The following CLCA4 variants were observed in gnomAD, a reference collection of about 807,000 sequenced individuals.
CLCA4 encodes the protein calcium-activated chloride channel regulator 4.
A neutral mutation model predicts 78.9 loss-of-function variants in CLCA4; 69 were observed. The observed-to-expected ratio is 0.87, with a 90% CI of 0.72 to 1.07. The LOEUF (loss-of-function observed/expected upper bound fraction) is 1.07, where lower values mean the gene tolerates loss of function less well. CLCA4 is among the 50% of genes least tolerant of loss of function. The probability of loss-of-function intolerance (pLI) is 0.00; values close to 1 mark genes in which losing one functional copy is unlikely to be tolerated. For synonymous variants in CLCA4, 362 were observed against 375.8 expected (o/e 0.96, Z 0.42); for missense variants, 1,133 against 1,095.8 (o/e 1.03, Z -0.48).
At chr1:86,571,621 G>A (rs1009097027) in intron 8 of CLCA4, among the ~76,000 whole-genome samples, 2 of 151,974 alleles carry the variant, frequency 1.3e-5, no homozygotes, top group African/African-American at 2.4e-5. Flanking sequence ...GAAGAAAAAG[G>A]GGGTAAGAAA....
In CLCA4 at chr1:86,580,241, A is replaced by G. The variant is rs80137678; in HGVS notation, c.2656A>G (p.Thr886Ala). 1 of 1,529,990 alleles carries G rather than the reference A, an allele frequency of 6.5e-7. No individual in the cohort carries two copies. The highest frequency in any genetic ancestry group is 1.5e-5 in the African/African-American group (1 of 67,458). 94.8% of individuals were successfully genotyped at this position (1,529,990 alleles called of 1,614,324 possible). A position where few individuals can be genotyped will look rare whatever the true frequency, so the allele number is the denominator to read the frequency against. The change falls in exon 14 of 14, where the codon ACT becomes GCT. Residue 886 changes from threonine (T) to alanine (A), a missense_variant. Thr to Ala is a moderately conservative substitution (Grantham distance 58). Transcript: ENST00000370563. ...TACACCTACTCCTACTCCTACTCCTACTCCTGATAAAAGTCATAATTCTGG... is the reference window on the plus strand; with the variant it reads ...TACACCTACTCCTACTCCTACTCCTGCTCCTGATAAAAGTCATAATTCTGG... ...DPTPTPTPTP[T>A]PDKSHNSGVN... is the part of the protein sequence containing the mutation.
chr1:86,556,670 G>A (rs2101795388), intron 1 of CLCA4, among the ~76,000 whole-genome samples: 1 of 152,238 alleles, frequency 6.6e-6, no homozygotes, highest in Non-Finnish European at 1.5e-5. Flanking sequence ...TCTCTGTCAG[G>A]TTTTCATATC....
chr1:86,552,311 G>A (rs535545580), intron 1 of CLCA4, among the ~76,000 whole-genome samples: 11 of 152,260 alleles, frequency 7.2e-5, no homozygotes, highest in African/African-American at 2.6e-4. Flanking sequence ...GCTGTGGTTC[G>A]CCGTCCTCTA....
chr1:86,575,594 G>A lies in CLCA4; in HGVS notation c.1946G>A (p.Gly649Asp). Residue 649 changes from glycine (G) to aspartate (D), a missense_variant, in exon 11 of 14, where the codon GGT becomes GAT. Physicochemically the swap from Gly to Asp is moderately conservative, Grantham distance 94 (BLOSUM62 -1). Transcript: ENST00000370563. Reference sequence around the variant, plus strand: ...GAAGTTTTGGAACTTTTGGATAATGGTGCAGGTAATTCACAGGTTTTTATG... The same window carrying A: ...GAAGTTTTGGAACTTTTGGATAATGATGCAGGTAATTCACAGGTTTTTATG... ...HTEVLELLDN[G>D]AGADSFKNDG... The A allele has an allele frequency of 6.2e-7, 1 of 1,611,302 alleles. No homozygotes were observed. Among genetic ancestry groups the A allele is most frequent in the South Asian group, 1.1e-5 (1 of 90,800 alleles).
In CLCA4 at chr1:86,571,251, A is replaced by G. The variant is rs1650342819; in HGVS notation, c.1357A>G (p.Thr453Ala). Residue 453 changes from threonine (T) to alanine (A), a missense_variant, in exon 8 of 14, where the codon ACA becomes GCA. Transcript: ENST00000370563. ...DEAVIEMSKI[T>A]GGSHFYVSDE... ...AGCAGTAATAGAGATGAGCAAGATAACAGGTAAAACACGATCCATTTATTC... is the reference window on the plus strand; with the variant it reads ...AGCAGTAATAGAGATGAGCAAGATAGCAGGTAAAACACGATCCATTTATTC... 6.2e-7 allele frequency: 1 copy of G among 1,610,440 alleles called. No homozygotes were observed. Among genetic ancestry groups the G allele is most frequent in the Non-Finnish European group, 8.5e-7 (1 of 1,177,590 alleles).
Position 86,575,342 on chromosome 1 carries a change from G to A in CLCA4, c.1694G>A (p.Trp565Ter). 1 of 1,612,364 alleles carries A rather than the reference G, an allele frequency of 6.2e-7. No individual in the cohort carries two copies. The highest frequency in any genetic ancestry group is 8.5e-7 in the Non-Finnish European group (1 of 1,178,956). The change falls in exon 11 of 14, where the codon TGG (tryptophan) becomes TAG (stop). Residue 565 changes from tryptophan to a stop codon, truncating the protein, a stop_gained. Transcript: ENST00000370563. LOFTEE classifies it high-confidence loss of function. ...TGTTGAAACTTTTAGGTGGGCACTTGGGCATACAATCTTCAAGCCAAAGCG... is the reference window on the plus strand; with the variant it reads ...TGTTGAAACTTTTAGGTGGGCACTTAGGCATACAATCTTCAAGCCAAAGCG... ...SIPGTAKVGT[W>*]AYNLQAKANP... is the part of the protein sequence containing the mutation.
intron 11 of CLCA4, among the ~76,000 whole-genome samples, chr1:86,577,060 G>A (rs567268459): frequency 1.3e-5 from 2 of 152,168 alleles, no homozygotes; most frequent in South Asian, 2.1e-4. Context: ...CTGAGAAGGT[G>A]AAATTGTTCT....
At chr1:86,558,520 T>A (rs911091468) in intron 1 of CLCA4, among the ~76,000 whole-genome samples, 2 of 152,156 alleles carry the variant, frequency 1.3e-5, no homozygotes, top group African/African-American at 4.8e-5. Flanking sequence ...CTTATGCTGT[T>A]AATAAAGACA....
chr1:86,547,331 T>C lies in CLCA4; in HGVS notation c.159+53T>C. The C allele has an allele frequency of 3.0e-6, 4 of 1,338,030 alleles. No homozygotes were observed. The South Asian group carries it at 6.1e-5, about 20-fold the overall frequency. 82.9% of individuals were successfully genotyped at this position (1,338,030 alleles called of 1,614,324 possible). On this transcript the variant is annotated intron_variant, in intron 1 of 13. Transcript: ENST00000370563. ...TAATTTTTAGTTTTTTACTATTATTTTTAATTGACATATAATTGTACATAT... is the reference window on the plus strand; with the variant it reads ...TAATTTTTAGTTTTTTACTATTATTCTTAATTGACATATAATTGTACATAT...
rs112998593 is a variant in CLCA4, at chr1:86,568,799, C to T, written c.1182+1148C>T. ...AAAATTCTACCAACCCTTCAAAATCCTTTCTCCTTCATGTAGCTTCCCATT... is the reference window on the plus strand; with the variant it reads ...AAAATTCTACCAACCCTTCAAAATCTTTTCTCCTTCATGTAGCTTCCCATT... On this transcript the variant is annotated intron_variant, in intron 7 of 13. Transcript: ENST00000370563. Among the ~76,000 whole-genome samples, 618 of 152,066 alleles carry T rather than the reference C, an allele frequency of 4.1e-3. 5 individuals carry two copies. The highest frequency in any genetic ancestry group is 0.013 in the African/African-American group (527 of 41,526).
chr1:86,552,157 C>A (rs993020206), intron 1 of CLCA4, among the ~76,000 whole-genome samples: 1 of 151,944 alleles, frequency 6.6e-6, no homozygotes, highest in Non-Finnish European at 1.5e-5. Context: ...AAAAAATATA[C>A]TTTTAAGAAA....
rs189996621 is a variant in CLCA4 at position 86,574,542 on chromosome 1, C to T, written c.1470C>T (p.Leu490=). 4.9e-4 allele frequency: 785 copies of T among 1,609,656 alleles called. No individual in the cohort carries two copies. Among genetic ancestry groups the T allele is most frequent in the Non-Finnish European group, 4.7e-4 (558 of 1,176,520 alleles). The part of the protein sequence containing the change: ...NTDLSQKSLQ[L]ESKGLTLNSN... Reference sequence around the variant, plus strand: ...AATTTTGAAATCTATTTAAACAGCTCGAAAGTAAGGGATTAACACTGAATA... The same window carrying T: ...AATTTTGAAATCTATTTAAACAGCTTGAAAGTAAGGGATTAACACTGAATA... The change falls in exon 10 of 14, where the codon CTC becomes CTT. Residue 490 remains leucine (L), a splice_region_variant and synonymous_variant. Coordinates refer to ENST00000370563, the MANE Select transcript of CLCA4 (RefSeq NM_012128.4).
chr1:86,547,089 C>T lies in CLCA4; in HGVS notation c.-31C>T, dbSNP rs746476631. 10 of 1,581,986 alleles carry T rather than the reference C, an allele frequency of 6.3e-6. No homozygotes were observed. The highest frequency in any genetic ancestry group is 2.3e-5 in the East Asian group (1 of 44,066). Reference sequence around the variant, plus strand: ...AAGAAAAGCCTCTTGAACAAACCAACATTTGAGCCAGGAATAACTAGAGAG... The same window carrying T: ...AAGAAAAGCCTCTTGAACAAACCAATATTTGAGCCAGGAATAACTAGAGAG... On this transcript the variant is annotated 5_prime_UTR_variant, in exon 1 of 14. Coordinates refer to ENST00000370563, the MANE Select transcript of CLCA4 (RefSeq NM_012128.4).
At chr1:86,579,669 A>G in intron 13 of CLCA4, 82 bp downstream of exon 13, 2 of 996,300 alleles carry the variant, frequency 2.0e-6, no homozygotes, top group Admixed American at 1.8e-5. Flanking sequence ...GGGTGGGGGG[A>G]GAATGGTTTT....
At chr1:86,553,663 G>C (rs1465327770) in intron 1 of CLCA4, among the ~76,000 whole-genome samples, 1 of 152,180 alleles carries the variant, frequency 6.6e-6, no homozygotes, top group Non-Finnish European at 1.5e-5. Context: ...GCCCGGGCAT[G>C]GTGACTCACG....
chr1:86,564,546 G>T lies in CLCA4; in HGVS notation c.558-728G>T, dbSNP rs1650121350. On this transcript the variant is annotated intron_variant, in intron 4 of 13. Coordinates refer to ENST00000370563, the MANE Select transcript of CLCA4 (RefSeq NM_012128.4). The stretch of plus-strand genomic sequence containing the variant: ...TAGTTTCATCATGTCCACCTAGTTT[G>T]GAAGCAATAGAAGCATCGACATATT... 3.9e-5 allele frequency among the ~76,000 whole-genome samples: 6 copies of T among 152,176 alleles called. No homozygotes were observed. The South Asian group carries it at 1.2e-3, about 32-fold the overall frequency.
intron 1 of CLCA4, among the ~76,000 whole-genome samples, chr1:86,554,279 A>C (rs1247037382): frequency 1.3e-5 from 2 of 152,198 alleles, no homozygotes; most frequent in African/African-American, 4.8e-5. Flanking sequence ...TTTGCTAAGG[A>C]TAATAGCCTA....
At chr1:86,556,666 T>C (rs1231310786) in intron 1 of CLCA4, among the ~76,000 whole-genome samples, 1 of 152,084 alleles carries the variant, frequency 6.6e-6, no homozygotes, top group African/African-American at 2.4e-5. Context: ...TGGGTCTCTG[T>C]CAGGTTTTCA....
In CLCA4 at chr1:86,567,531, T is replaced by C. The variant is rs1474128691; in HGVS notation, c.1062T>C (p.Thr354=). 1.9e-6 allele frequency: 3 copies of C among 1,613,074 alleles called. No homozygotes were observed. The highest frequency in any genetic ancestry group is 1.3e-5 in the African/African-American group (1 of 74,890). ...TGGTTCACTTTGATAGTACTGCCAC[T>C]ATTGTAAATAAGCTAATCCAAATAA... is the stretch of plus-strand genomic sequence containing the variant. ...VGMVHFDSTA[T]IVNKLIQIKS... is the part of the protein sequence containing the mutation. The change falls in exon 7 of 14, where the codon ACT becomes ACC. Residue 354 remains threonine (T), a synonymous_variant. Coordinates refer to ENST00000370563, the MANE Select transcript of CLCA4 (RefSeq NM_012128.4).
Sources: allele counts gnomAD v4.1 joint callset (sites outside exome capture counted in the v4.1 genomes callset), GRCh38; gene constraint gnomAD v4.1.1; transcripts MANE v1.5; gene names NCBI Gene and HGNC (gene_info 2026-07-23, HGNC 2026-07-21).